Variants in IGSF21 observed in about 807,000 individuals in gnomAD.
IGSF21 encodes the protein immunoglobulin superfamily member 21.
IGSF21 carries 28 observed loss-of-function variants against 46.8 expected under a neutral mutation model. That is an observed-to-expected ratio of 0.60 (90% CI 0.44 to 0.82). The LOEUF is 0.82. Ranked by LOEUF, IGSF21 falls within the 40% of genes least tolerant of loss-of-function variation. The pLI is 0.00. For synonymous variants in IGSF21, 284 were observed against 273.6 expected, an observed-to-expected ratio of 1.04 and a Z score of -0.38; for missense variants, 624 against 665.5, an observed-to-expected ratio of 0.94 and a Z score of 0.69.
chr1:18,317,576 G>A (rs1226902771), intron 3 of IGSF21, among the ~76,000 whole-genome samples: 6 of 152,174 alleles, frequency 3.9e-5, no homozygotes, highest in African/African-American at 9.7e-5. Flanking sequence ...GTCAAGAGCC[G>A]CATCTATGCA....
At chr1:18,217,257 C>T (rs527889945) in intron 1 of IGSF21, among the ~76,000 whole-genome samples, 1 of 152,356 alleles carries the variant, frequency 6.6e-6, no homozygotes, top group South Asian at 2.1e-4. Flanking sequence ...TGTCCCTGCT[C>T]TCAGGAACTC....
chr1:18,338,766 C>T (rs1254492924), intron 4 of IGSF21, among the ~76,000 whole-genome samples: 1 of 152,096 alleles, frequency 6.6e-6, no homozygotes, highest in Non-Finnish European at 1.5e-5. Context: ...ATGCTGCACA[C>T]GGTCATTAAA....
chr1:18,223,446 G>A (rs1042933911), intron 1 of IGSF21, among the ~76,000 whole-genome samples: 13 of 152,164 alleles, frequency 8.5e-5, no homozygotes, highest in Non-Finnish European at 2.9e-5. Flanking sequence ...TGGCTTTGGA[G>A]CCAGATAGCT....
chr1:18,199,836 G>A (rs2087050662), intron 1 of IGSF21, among the ~76,000 whole-genome samples: 2 of 152,068 alleles, frequency 1.3e-5, no homozygotes, highest in African/African-American at 2.4e-5. Context: ...GCCCCTCCCC[G>A]CTTCGTCAGA....
chr1:18,184,259 G>C (rs2086882479), intron 1 of IGSF21, among the ~76,000 whole-genome samples: 2 of 152,144 alleles, frequency 1.3e-5, no homozygotes, highest in Admixed American at 1.3e-4. Context: ...GATGATGAGA[G>C]ATATTCCAAT....
intron 1 of IGSF21, among the ~76,000 whole-genome samples, chr1:18,133,391 G>A (rs1360360214): frequency 6.6e-6 from 1 of 152,216 alleles, no homozygotes; most frequent in Admixed American, 6.5e-5. Flanking sequence ...GTCTGCACTC[G>A]GCTTCACTAC....
intron 1 of IGSF21, among the ~76,000 whole-genome samples, chr1:18,174,720 A>G (rs906992894): frequency 9.9e-5 from 15 of 152,162 alleles, no homozygotes; most frequent in African/African-American, 3.6e-4. Context: ...CGTCTGTTCG[A>G]CACTGGCTCC....
At chr1:18,341,012 C>CTCTTCTTCTTCTTCTTCTTCTTCT (rs10536109) in intron 4 of IGSF21, among the ~76,000 whole-genome samples, 13 of 85,086 alleles carry the variant, frequency 1.5e-4, no homozygotes, top group South Asian at 6.2e-4. Context: ...CCTCCTTCTT[C>CTCTTCTTCTTCTTCTTCTTCTTCT]TCTTCTTCTT....
At chr1:18,367,275 A>G (rs938293571) in intron 6 of IGSF21, among the ~76,000 whole-genome samples, 1 of 152,178 alleles carries the variant, frequency 6.6e-6, no homozygotes, top group Non-Finnish European at 1.5e-5. Context: ...AATACCAAAG[A>G]AAAGGATTTC....
intron 1 of IGSF21, among the ~76,000 whole-genome samples, chr1:18,197,419 G>A (rs190737007): frequency 2.6e-4 from 40 of 152,332 alleles, no homozygotes; most frequent in African/African-American, 9.6e-4. Flanking sequence ...CCTTGGATAA[G>A]TTACTTAACT....
rs768711835 is a variant in IGSF21 at position 18,337,207 on chromosome 1, G to T, written c.424+2197G>T. 1.3e-5 allele frequency among the ~76,000 whole-genome samples: 2 copies of T among 152,122 alleles called. No individual in the cohort carries two copies. The highest frequency in any genetic ancestry group is 2.9e-5 in the Non-Finnish European group (2 of 68,022). On this transcript the variant is annotated intron_variant, in intron 4 of 9. Coordinates refer to ENST00000251296, the MANE Select transcript of IGSF21 (RefSeq NM_032880.5). The surrounding 1 kb of genome is among the most constrained non-coding windows in gnomAD (Gnocchi z 5.7). Reference sequence around the variant, plus strand: ...GGAAACTGAGGCACAGAGTGATCTCGTGGGACTCACTCAGGTTGCACAACT... The same window carrying T: ...GGAAACTGAGGCACAGAGTGATCTCTTGGGACTCACTCAGGTTGCACAACT...
At chr1:18,195,811 G>A (rs576867855) in intron 1 of IGSF21, among the ~76,000 whole-genome samples, 1 of 152,334 alleles carries the variant, frequency 6.6e-6, no homozygotes, top group East Asian at 1.9e-4. Context: ...AGACAGTCTG[G>A]TGGGGACCAA....
intron 2 of IGSF21, among the ~76,000 whole-genome samples, chr1:18,279,880 C>T (rs577878919): frequency 3.9e-5 from 6 of 152,324 alleles, no homozygotes; most frequent in East Asian, 3.9e-4. Flanking sequence ...ACGGGTCTGC[C>T]GGCGGCCGAT....
intron 1 of IGSF21, among the ~76,000 whole-genome samples, chr1:18,135,810 A>T (rs536509364): frequency 6.6e-6 from 1 of 152,284 alleles, no homozygotes; most frequent in Admixed American, 6.5e-5. Flanking sequence ...TGGCATTTCT[A>T]GTTCTAGATC....
chr1:18,348,417 G>T (rs888848262), intron 4 of IGSF21, among the ~76,000 whole-genome samples: 1 of 152,182 alleles, frequency 6.6e-6, no homozygotes, highest in Admixed American at 6.5e-5. Flanking sequence ...CCCAGGCCCC[G>T]CCAGAGCAGG....
At chr1:18,265,552 T>G (rs1332591983) in intron 2 of IGSF21, among the ~76,000 whole-genome samples, 2 of 152,166 alleles carry the variant, frequency 1.3e-5, no homozygotes, top group South Asian at 2.1e-4. Context: ...CCTGCATCCT[T>G]GGGGAGCCCC....
intron 3 of IGSF21, among the ~76,000 whole-genome samples, chr1:18,328,965 G>A (rs935893408): frequency 1.3e-5 from 2 of 152,192 alleles, no homozygotes; most frequent in Non-Finnish European, 1.5e-5. Context: ...CCAGAAGCTT[G>A]GAGCAGGAAA....
At chr1:18,213,094 A>G (rs903958097) in intron 1 of IGSF21, among the ~76,000 whole-genome samples, 3 of 152,200 alleles carry the variant, frequency 2.0e-5, no homozygotes, top group African/African-American at 7.2e-5. Context: ...AAGGGTTTCA[A>G]TTCCAGATCC....
At chr1:18,311,338 A>C (rs1300025996) in intron 3 of IGSF21, among the ~76,000 whole-genome samples, 1 of 152,018 alleles carries the variant, frequency 6.6e-6, no homozygotes, top group African/African-American at 2.4e-5. Flanking sequence ...AAGACTAATC[A>C]CTGTCCCCAG....
Sources: gnomAD v4.1 joint callset for allele counts (sites outside exome capture counted in the v4.1 genomes callset) on GRCh38, gnomAD v4.1.1 for gene constraint, Gnocchi (gnomAD v3.1) non-coding constraint, MANE v1.5 for transcripts, NCBI Gene and HGNC (gene_info 2026-07-23, HGNC 2026-07-21) for gene names.